The following EXOC1L variants were observed in gnomAD, a reference collection of about 807,000 sequenced individuals.
The protein encoded by EXOC1L is exocyst complex component 1 like, also known as exocyst complex component 1-like.
A neutral mutation model predicts 4.9 loss-of-function variants in EXOC1L; 10 were observed. That is an observed-to-expected ratio of 2.02 (90% CI 1.25 to 3.43). The LOEUF is 3.43. EXOC1L is among the 30% of genes most tolerant of loss of function. The pLI, the probability that EXOC1L is intolerant of heterozygous loss-of-function variation, is 0.00. For synonymous variants in EXOC1L, 41 were observed against 20.8 expected, an observed-to-expected ratio of 1.97 and a Z score of -2.63; for missense variants, 114 against 59.4, an observed-to-expected ratio of 1.92 and a Z score of -3.02.
intron 2 of EXOC1L, among the ~76,000 whole-genome samples, chr4:55,835,675 G>A (rs1720141162): frequency 1.3e-5 from 2 of 151,860 alleles, no homozygotes; most frequent in Admixed American, 1.3e-4. Context: ...GCCTATTCAT[G>A]TCCTTAGCCC....
intron 2 of EXOC1L, among the ~76,000 whole-genome samples, chr4:55,835,666 C>A (rs1040344559): frequency 1.3e-5 from 2 of 151,630 alleles, no homozygotes; most frequent in Admixed American, 6.6e-5. Flanking sequence ...TTAAGAATTG[C>A]CTATTCATGT....
In EXOC1L at chr4:55,820,080, G is replaced by T. The variant is rs546560232; in HGVS notation, c.54G>T (p.Ser18=). 1.3e-5 allele frequency: 5 copies of T among 398,936 alleles called. No homozygotes were observed. The highest frequency in any genetic ancestry group is 1.3e-5 in the Non-Finnish European group (3 of 226,096). The allele number at this position is 398,936 out of a possible 1,614,324, so 24.7% of individuals were successfully genotyped here. ...AGAAGAAACTGTTTAAGCCACTCTCGCAGAATCTGTACGAGTTTATTGAAA... is the reference window on the plus strand; with the variant it reads ...AGAAGAAACTGTTTAAGCCACTCTCTCAGAATCTGTACGAGTTTATTGAAA... ...DLEKKLFKPL[S]QNLYEFIEIE... is the part of the protein sequence containing the mutation. The change falls in exon 1 of 3, where the codon TCG becomes TCT. Residue 18 remains serine, a synonymous_variant. Transcript: ENST00000636125.
At chr4:55,831,500 A>G (rs546652443) in intron 2 of EXOC1L, 36 bp downstream of exon 2, 1 of 658,300 alleles carries the variant, frequency 1.5e-6, no homozygotes, top group South Asian at 1.7e-5. Flanking sequence ...TGTGGAATCA[A>G]TATGCTGGAG....
At position 55,837,354 on chromosome 4, in the gene EXOC1L, C is replaced by A. The variant is rs1720197651; in HGVS notation, c.*3C>A. 3 of 524,934 alleles carry A rather than the reference C, an allele frequency of 5.7e-6. No individual in the cohort carries two copies. Among genetic ancestry groups the A allele is most frequent in the Non-Finnish European group, 1.0e-5 (3 of 291,086 alleles). 32.5% of individuals were successfully genotyped at this position (524,934 alleles called of 1,614,324 possible). A position where few individuals can be genotyped will look rare whatever the true frequency, so the allele number is the denominator to read the frequency against. Reference sequence around the variant, plus strand: ...CCCTATGTCCCTTGCCACTCTGAAGCTGTGTACCACATTCCTTCATCAGTG... The same window carrying A: ...CCCTATGTCCCTTGCCACTCTGAAGATGTGTACCACATTCCTTCATCAGTG... On this transcript the variant is annotated 3_prime_UTR_variant, in exon 3 of 3. Transcript: ENST00000636125.
intron 2 of EXOC1L, among the ~76,000 whole-genome samples, chr4:55,832,028 C>T (rs541649986): frequency 6.6e-6 from 1 of 152,038 alleles, no homozygotes; most frequent in Non-Finnish European, 1.5e-5. Context: ...CTCCACAATG[C>T]TCAAGTACTG....
rs565895889 is a variant in EXOC1L, at chr4:55,827,468, C to T, written c.122-3866C>T. ...TAAGCACAGGTTTTCTTTCTGAAGA[C>T]CCCACTCCCTACAATCTCAGTGACA... is the stretch of plus-strand genomic sequence containing the variant. On this transcript the variant is annotated intron_variant, in intron 1 of 2. Transcript: ENST00000636125. Among the ~76,000 whole-genome samples, 38 of 152,262 alleles carry T rather than the reference C, an allele frequency of 2.5e-4. No individual in the cohort carries two copies. In the South Asian group the frequency reaches 7.9e-3, roughly 32 times the overall value.
At position 55,828,405 on chromosome 4, in the gene EXOC1L, T is replaced by C. The variant is rs918626743; in HGVS notation, c.122-2929T>C. ...CGGGATTGTCTCCAAACCTTTAAAC[T>C]TCACCATCCTCTTGATTCCCATAGC... On this transcript the variant is annotated intron_variant, in intron 1 of 2. Coordinates refer to ENST00000636125, the MANE Select transcript of EXOC1L (RefSeq NM_001351574.3). Among the ~76,000 whole-genome samples the C allele has an allele frequency of 3.3e-5, 5 of 152,302 alleles. 1 individual carries two copies. The highest frequency in any genetic ancestry group is 1.2e-4 in the African/African-American group (5 of 41,572).
At position 55,825,223 on chromosome 4, in the gene EXOC1L, A is replaced by G. The variant is rs192381857; in HGVS notation, c.121+5076A>G. 6.8e-3 allele frequency among the ~76,000 whole-genome samples: 1,034 copies of G among 152,310 alleles called. 7 individuals carry two copies. Among genetic ancestry groups the G allele is most frequent in the Non-Finnish European group, 9.8e-3 (666 of 68,030 alleles). On this transcript the variant is annotated intron_variant, in intron 1 of 2. Coordinates refer to ENST00000636125, the MANE Select transcript of EXOC1L (RefSeq NM_001351574.3). Reference sequence around the variant, plus strand: ...CCTGTTTTACAGACGAGGAAACCATAGGTCACAAGAAGTTAAGTACCTAGT... The same window carrying G: ...CCTGTTTTACAGACGAGGAAACCATGGGTCACAAGAAGTTAAGTACCTAGT...
At chr4:55,822,044 C>T (rs1237108044) in intron 1 of EXOC1L, among the ~76,000 whole-genome samples, 1 of 152,208 alleles carries the variant, frequency 6.6e-6, no homozygotes, top group South Asian at 2.1e-4. Context: ...ATACTTTGAA[C>T]GATGGCCACC....
intron 1 of EXOC1L, among the ~76,000 whole-genome samples, chr4:55,829,721 T>C (rs930334569): frequency 2.6e-5 from 4 of 152,162 alleles, no homozygotes; most frequent in Admixed American, 2.6e-4. Context: ...TGTCTTGATT[T>C]TAGTATCACT....
At chr4:55,820,180 G>A in intron 1 of EXOC1L, 33 bp downstream of exon 1, 1 of 398,290 alleles carries the variant, frequency 2.5e-6, no homozygotes, top group Non-Finnish European at 4.4e-6. Context: ...ATTTCAAAAA[G>A]CAAGTCACCC....
At chr4:55,825,461 A>G (rs757965012) in intron 1 of EXOC1L, among the ~76,000 whole-genome samples, 1 of 152,234 alleles carries the variant, frequency 6.6e-6, no homozygotes, top group Non-Finnish European at 1.5e-5. Context: ...TAATCAGCTG[A>G]TAAGTGACTA....
At chr4:55,823,715 G>A (rs997684932) in intron 1 of EXOC1L, among the ~76,000 whole-genome samples, 10 of 72,996 alleles carry the variant, frequency 1.4e-4, no homozygotes, top group African/African-American at 2.0e-4. Flanking sequence ...TTGTTTGTTC[G>A]TTTGTTTGTT....
intron 2 of EXOC1L, among the ~76,000 whole-genome samples, chr4:55,831,974 A>G (rs1293487125): frequency 2.0e-5 from 3 of 152,006 alleles, no homozygotes; most frequent in Admixed American, 1.3e-4. Flanking sequence ...TCTGTTTTTG[A>G]ACTCTGCTGT....
chr4:55,822,201 T>G (rs577350733), intron 1 of EXOC1L, among the ~76,000 whole-genome samples: 79 of 152,322 alleles, frequency 5.2e-4, no homozygotes, highest in Middle Eastern at 3.4e-3. Flanking sequence ...TGGTTAAGCT[T>G]TCTCTTTATA....
At chr4:55,830,318 T>C (rs1719994106) in intron 1 of EXOC1L, among the ~76,000 whole-genome samples, 1 of 152,162 alleles carries the variant, frequency 6.6e-6, no homozygotes, top group African/African-American at 2.4e-5. Context: ...ACATTACTCA[T>C]CTTGAAGGGA....
chr4:55,825,146 T>C (rs996284136), intron 1 of EXOC1L, among the ~76,000 whole-genome samples: 12 of 152,362 alleles, frequency 7.9e-5, no homozygotes, highest in South Asian at 2.1e-4. Context: ...GTACCATTTA[T>C]ATGCTTTATT....
At chr4:55,830,929 T>C (rs1198605260) in intron 1 of EXOC1L, among the ~76,000 whole-genome samples, 3 of 152,232 alleles carry the variant, frequency 2.0e-5, no homozygotes. Flanking sequence ...TTCCATGACC[T>C]CATTTGCTTA....
intron 1 of EXOC1L, among the ~76,000 whole-genome samples, chr4:55,828,146 C>T (rs561305083): frequency 9.2e-5 from 14 of 152,288 alleles, no homozygotes; most frequent in African/African-American, 2.6e-4. Context: ...AATATGTGAT[C>T]TCCATCATAG....
Sources: allele counts gnomAD v4.1 joint callset (sites outside exome capture counted in the v4.1 genomes callset), GRCh38; gene constraint gnomAD v4.1.1; transcripts MANE v1.5; gene names NCBI Gene and HGNC (gene_info 2026-07-23, HGNC 2026-07-21).